Variants in EED observed in about 807,000 individuals in gnomAD.
EED encodes polycomb protein EED.
A neutral mutation model predicts 61.0 loss-of-function variants in EED; 9 were observed. That is an observed-to-expected ratio of 0.15 (90% confidence interval 0.09 to 0.26). EED has a LOEUF of 0.26. Among genes scored for constraint, EED ranks in the 10% least tolerant of loss-of-function variants. The pLI is 1.00. For missense variants in EED, 315 were observed against 542.3 expected (o/e 0.58, Z 4.16); for synonymous variants, 187 against 174.4 (o/e 1.07, Z -0.57).
chr11:86,264,428 A>G, intron 7 of EED, 165 bp downstream of exon 7: 1 of 478,560 alleles, frequency 2.1e-6, no homozygotes, highest in Non-Finnish European at 3.7e-6. Flanking sequence ...GGAATAAAAC[A>G]AGTAAAGACT....
the EED span, chr11:86,283,906 C>G: frequency 6.6e-6 from 1 of 151,138 alleles, no homozygotes; most frequent in Non-Finnish European, 1.5e-5. Context: ...AGGTAATTAT[C>G]TTACTTGCTA....
At chr11:86,287,286 T>A in the EED span, among the ~76,000 whole-genome samples, 2 of 152,262 alleles carry the variant, frequency 1.3e-5, no homozygotes, top group South Asian at 4.1e-4. Context: ...CTAAATGGCC[T>A]CTCTTTAACC....
At chr11:86,287,499 A>G in the EED span, among the ~76,000 whole-genome samples, 1 of 152,158 alleles carries the variant, frequency 6.6e-6, no homozygotes. Context: ...TTGCTTGGGT[A>G]CCCCAGGCTG....
the EED span, among the ~76,000 whole-genome samples, chr11:86,285,051 C>T: frequency 6.6e-6 from 1 of 152,132 alleles, no homozygotes; most frequent in African/African-American, 2.4e-5. Flanking sequence ...GCAGAGGTTG[C>T]GGTGAGCTGA....
chr11:86,249,379 TG>T (rs936790610), intron 1 of EED, among the ~76,000 whole-genome samples: 19 of 119,294 alleles, frequency 1.6e-4, no homozygotes, highest in African/African-American at 6.1e-4. Context: ...AGGCATTTCA[TG>T]GAAAAAAAAA....
intron 9 of EED, chr11:86,269,972 T>G (rs1946074181): frequency 6.9e-6 from 4 of 576,960 alleles, no homozygotes; most frequent in Non-Finnish European, 1.2e-5. Context: ...GTGTCCAGGT[T>G]TTTGTGTGGA....
chr11:86,286,268 T>A, the EED span, among the ~76,000 whole-genome samples: 2 of 151,608 alleles, frequency 1.3e-5, no homozygotes, highest in African/African-American at 4.9e-5. Flanking sequence ...CTGGAACTCC[T>A]GGCCTCAAGT....
chr11:86,255,939 C>G (rs2138156485), intron 4 of EED, among the ~76,000 whole-genome samples: 1 of 152,190 alleles, frequency 6.6e-6, no homozygotes, highest in South Asian at 2.1e-4. Context: ...GAAATGTGAC[C>G]TGTTGTTGTA....
At chr11:86,278,366 G>A (rs973024820) in intron 11 of EED, 33 bp from the exon 12 acceptor site, 27 of 1,600,798 alleles carry the variant, frequency 1.7e-5, no homozygotes, top group Non-Finnish European at 2.3e-5. Context: ...CGTTATGTGT[G>A]GTCTTTAACC....
chr11:86,256,543 C>T (rs1297939560), intron 5 of EED, 31 bp downstream of exon 5: 21 of 1,528,390 alleles, frequency 1.4e-5, no homozygotes, highest in Non-Finnish European at 1.9e-5. Context: ...TGTAGATCTG[C>T]TTCTTTTGAA....
chr11:86,279,822 T>C (rs1330081893), downstream of EED, among the ~76,000 whole-genome samples: 1 of 152,234 alleles, frequency 6.6e-6, no homozygotes, highest in East Asian at 1.9e-4. Flanking sequence ...TTTTACTGTC[T>C]TGGTCCAATG....
chr11:86,280,451 TG>T (rs1300204704), downstream of EED, among the ~76,000 whole-genome samples: 1 of 152,214 alleles, frequency 6.6e-6, no homozygotes, highest in Admixed American at 6.5e-5. Flanking sequence ...CTTTTCCTAA[TG>T]GATGTTATCC....
intron 9 of EED, among the ~76,000 whole-genome samples, chr11:86,271,560 A>C (rs1006149552): frequency 3.9e-5 from 6 of 152,100 alleles, no homozygotes; most frequent in Non-Finnish European, 5.9e-5. Context: ...TTAGGAACAG[A>C]TATTCTTGAC....
At chr11:86,248,684 G>C (rs1945449385) in intron 1 of EED, among the ~76,000 whole-genome samples, 1 of 152,118 alleles carries the variant, frequency 6.6e-6, no homozygotes, top group Non-Finnish European at 1.5e-5. Flanking sequence ...AACCTCTACT[G>C]TAGAGACAAA....
At chr11:86,281,448 T>C (rs1214560062), downstream of EED, among the ~76,000 whole-genome samples, 2 of 152,224 alleles carry the variant, frequency 1.3e-5, no homozygotes, top group Admixed American at 1.3e-4. Flanking sequence ...GCTCTGATCT[T>C]TGTTATTTCC....
chr11:86,268,343 A>G, intron 8 of EED, 113 bp from the exon 9 acceptor site: 1 of 622,692 alleles, frequency 1.6e-6, no homozygotes, highest in South Asian at 2.3e-5. Flanking sequence ...ACACAGAGGA[A>G]TTAATAGTCT....
intron 10 of EED, 97 bp downstream of exon 10, chr11:86,277,235 A>C: frequency 8.7e-7 from 1 of 1,152,134 alleles, no homozygotes. Flanking sequence ...TTTCCTTTAC[A>C]AATCTACCCT....
In EED at chr11:86,278,470, T is replaced by C; in HGVS notation, c.1271T>C (p.Ile424Thr). The change falls in exon 12 of 12, where the codon ATT becomes ACT. Residue 424 changes from isoleucine (I) to threonine (T), a missense_variant. Around this residue, in one of 2 missense-constraint regions of EED, gnomAD observed 205 missense variants for 455.4 expected, o/e 0.45. Coordinates refer to ENST00000263360, the MANE Select transcript of EED (RefSeq NM_003797.5). ...RQTSFSRDSS[I>T]LIAVCDDASI... ...ACCAGTTTTAGCAGGGATAGCAGCATTCTTATAGCTGTTTGTGATGATGCC... is the reference window on the plus strand; with the variant it reads ...ACCAGTTTTAGCAGGGATAGCAGCACTCTTATAGCTGTTTGTGATGATGCC... The C allele has an allele frequency of 6.2e-7, 1 of 1,613,728 alleles. No homozygotes were observed. Among genetic ancestry groups the C allele is most frequent in the Non-Finnish European group, 8.5e-7 (1 of 1,179,858 alleles).
intron 1 of EED, among the ~76,000 whole-genome samples, chr11:86,249,888 A>T (rs187969461): frequency 1.2e-4 from 18 of 152,348 alleles, no homozygotes; most frequent in African/African-American, 4.1e-4. Context: ...GAAGACATAT[A>T]CATCAGTCAG....
Sources: gnomAD v4.1 joint callset for allele counts (sites outside exome capture counted in the v4.1 genomes callset) on GRCh38, gnomAD v4.1.1 for gene constraint, gnomAD v4.1.1 regional missense constraint, MANE v1.5 for transcripts, NCBI Gene and HGNC (gene_info 2026-07-23, HGNC 2026-07-21) for gene names.